The following CADM2 variants were observed in gnomAD, a reference collection of about 807,000 sequenced individuals.
CADM2 encodes the protein immunoglobulin superfamily member 4D.
Under a neutral mutation model 49.8 loss-of-function variants are expected in CADM2, and 12 were observed. That is an observed-to-expected ratio of 0.24 (90% CI 0.15 to 0.39). The LOEUF (loss-of-function observed/expected upper bound fraction) is 0.39. Among genes scored for constraint, CADM2 ranks in the 10% least tolerant of loss-of-function variants. The pLI, the probability that CADM2 is intolerant of heterozygous loss-of-function variation, is 1.00. For synonymous variants in CADM2, 214 were observed against 175.4 expected (o/e 1.22, Z -1.74); for missense variants, 378 against 492.3 (o/e 0.77, Z 2.20).
intron 1 of CADM2, among the ~76,000 whole-genome samples, chr3:85,255,348 T>A (rs545987376): frequency 6.6e-6 from 1 of 152,174 alleles, no homozygotes; most frequent in South Asian, 2.1e-4. Flanking sequence ...GAGGCTTCAT[T>A]TGTTTAAGTG....
chr3:85,085,400 T>C (rs1018966444), intron 1 of CADM2, among the ~76,000 whole-genome samples: 1 of 152,032 alleles, frequency 6.6e-6, no homozygotes, highest in Non-Finnish European at 1.5e-5. Context: ...TTTTTCTTTT[T>C]TAAAGTCTCA....
At chr3:85,650,987 C>G (rs2065027251) in intron 1 of CADM2, among the ~76,000 whole-genome samples, 1 of 148,976 alleles carries the variant, frequency 6.7e-6, no homozygotes, top group Admixed American at 6.8e-5. Flanking sequence ...TCATTTCTAC[C>G]ATTTTCCGCA....
chr3:85,396,451 T>A (rs2034795950), intron 1 of CADM2, among the ~76,000 whole-genome samples: 1 of 152,044 alleles, frequency 6.6e-6, no homozygotes, highest in South Asian at 2.1e-4. Context: ...GTAAATATAA[T>A]TGCTTAAATA....
intron 1 of CADM2, among the ~76,000 whole-genome samples, chr3:85,721,841 T>A (rs1325816015): frequency 6.6e-6 from 1 of 152,208 alleles, no homozygotes; most frequent in African/African-American, 2.4e-5. Flanking sequence ...CTCAGCTCTG[T>A]TTCTGTTACA....
chr3:85,833,644 C>T (rs956721963), intron 3 of CADM2, among the ~76,000 whole-genome samples: 5 of 151,314 alleles, frequency 3.3e-5, no homozygotes, highest in African/African-American at 9.7e-5. Flanking sequence ...ACATCTTTTC[C>T]CCATTGTGTA....
intron 1 of CADM2, among the ~76,000 whole-genome samples, chr3:85,582,552 A>G (rs984014519): frequency 1.3e-5 from 2 of 152,142 alleles, no homozygotes; most frequent in African/African-American, 4.8e-5. Context: ...CTTATAAACA[A>G]CTGCCTTCTG....
At chr3:85,641,209 AACTAGTGATAGAAGTATATAC>A (rs946827309) in intron 1 of CADM2, among the ~76,000 whole-genome samples, 4 of 152,194 alleles carry the variant, frequency 2.6e-5, no homozygotes, top group Non-Finnish European at 5.9e-5. Context: ...GCTAAAAAAA[AACTAGTGATAGAAGTATATAC>A]ACTAGTGATA....
chr3:85,487,944 C>T (rs2039498993), intron 1 of CADM2, among the ~76,000 whole-genome samples: 2 of 152,122 alleles, frequency 1.3e-5, no homozygotes, highest in South Asian at 4.2e-4. Context: ...GCTAATTTCA[C>T]ACCCCATTTT....
chr3:85,339,491 A>G (rs1358653426), intron 1 of CADM2, among the ~76,000 whole-genome samples: 2 of 151,526 alleles, frequency 1.3e-5, no homozygotes, highest in African/African-American at 4.8e-5. Flanking sequence ...ACTTTATGTG[A>G]ACAATTAGAT....
chr3:85,298,454 A>G (rs78635348), intron 1 of CADM2, among the ~76,000 whole-genome samples: 4,611 of 152,164 alleles, frequency 0.03, 88 homozygotes, highest in South Asian at 0.047. Flanking sequence ...TTCATTGAAA[A>G]TGCATGTATA....
intron 1 of CADM2, among the ~76,000 whole-genome samples, chr3:85,688,004 A>C (rs1180259207): frequency 6.6e-6 from 1 of 152,186 alleles, no homozygotes; most frequent in Non-Finnish European, 1.5e-5. Context: ...CCTTATGAGA[A>C]TCCAATGCCT....
intron 1 of CADM2, among the ~76,000 whole-genome samples, chr3:85,502,310 GA>G (rs2040152010): frequency 6.6e-6 from 1 of 152,004 alleles, no homozygotes; most frequent in Non-Finnish European, 1.5e-5. Context: ...TCTTGCAAAG[GA>G]AAACAAAATT....
At position 85,182,753 on chromosome 3, in the gene CADM2, A is replaced by T. The variant is rs112092858; in HGVS notation, c.61+223085A>T. On this transcript the variant is annotated intron_variant, in intron 1 of 9. Transcript: ENST00000383699. ...TATTTCAAAATAAAACATTTTAAGG[A>T]TTATGAATTAAAATTATCAGTTGTC... is the stretch of plus-strand genomic sequence containing the variant. Among the ~76,000 whole-genome samples the T allele has an allele frequency of 2.0e-3, 306 of 152,258 alleles. 1 individual carries two copies. Among genetic ancestry groups the T allele is most frequent in the African/African-American group, 7.0e-3 (292 of 41,584 alleles).
chr3:85,639,839 A>C (rs1452844315), intron 1 of CADM2, among the ~76,000 whole-genome samples: 1 of 152,154 alleles, frequency 6.6e-6, no homozygotes, highest in African/African-American at 2.4e-5. Context: ...TAGGACATGA[A>C]ATAAATAAAA....
intron 7 of CADM2, among the ~76,000 whole-genome samples, chr3:85,945,101 C>T (rs1722489171): frequency 6.6e-6 from 1 of 151,982 alleles, no homozygotes; most frequent in African/African-American, 2.4e-5. Context: ...GGGATATCAC[C>T]ACCGATCCCA....
intron 1 of CADM2, among the ~76,000 whole-genome samples, chr3:85,569,472 A>T (rs2062412055): frequency 6.6e-6 from 1 of 152,154 alleles, no homozygotes; most frequent in Non-Finnish European, 1.5e-5. Context: ...CAGCAGTGCA[A>T]TTACTCAGTT....
At chr3:85,398,903 C>T (rs933286607) in intron 1 of CADM2, among the ~76,000 whole-genome samples, 18 of 152,010 alleles carry the variant, frequency 1.2e-4, no homozygotes, top group Non-Finnish European at 2.4e-4. Flanking sequence ...TGGATAGTAG[C>T]CCTTTGTCAG....
chr3:85,107,222 T>G (rs2038261730), intron 1 of CADM2, among the ~76,000 whole-genome samples: 1 of 152,036 alleles, frequency 6.6e-6, no homozygotes, highest in Admixed American at 6.6e-5. Flanking sequence ...AGGGAGGGTT[T>G]AGAAAAGTTG....
At chr3:86,039,658 G>A (rs561453336) in intron 8 of CADM2, among the ~76,000 whole-genome samples, 1 of 152,180 alleles carries the variant, frequency 6.6e-6, no homozygotes, top group Non-Finnish European at 1.5e-5. Context: ...CCTCTGGGGG[G>A]AGGGCATAGC....
Sources: allele counts gnomAD v4.1 joint callset (sites outside exome capture counted in the v4.1 genomes callset), GRCh38; gene constraint gnomAD v4.1.1; transcripts MANE v1.5; gene names NCBI Gene and HGNC (gene_info 2026-07-23, HGNC 2026-07-21).